Variants in LTBP1 observed in about 807,000 individuals in gnomAD.
LTBP1 encodes the protein latent-transforming growth factor beta-binding protein 1.
Under a neutral mutation model 207.6 loss-of-function variants are expected in LTBP1, and 129 were observed. That is an observed-to-expected ratio of 0.62 (90% CI 0.54 to 0.72). The LOEUF (loss-of-function observed/expected upper bound fraction) is 0.72. Ranked by LOEUF, LTBP1 falls within the 30% of genes least tolerant of loss-of-function variation. The probability of loss-of-function intolerance (pLI) is 0.00; values close to 1 mark genes in which losing one functional copy is unlikely to be tolerated. For synonymous variants in LTBP1, 963 were observed against 833.7 expected (o/e 1.16, Z -2.67); for missense variants, 2,281 against 2,217.2 (o/e 1.03, Z -0.58).
intron 18 of LTBP1, among the ~76,000 whole-genome samples, chr2:33,277,677 G>A (rs2093455264): frequency 6.6e-6 from 1 of 151,590 alleles, no homozygotes; most frequent in African/African-American, 2.4e-5. Context: ...TTAAAAAAAT[G>A]GGGTGTTTAT....
chr2:33,136,825 A>G (rs1402046098), intron 5 of LTBP1, among the ~76,000 whole-genome samples: 1 of 152,250 alleles, frequency 6.6e-6, no homozygotes, highest in African/African-American at 2.4e-5. Flanking sequence ...CAGAATATAC[A>G]TAGCCTACTC....
At chr2:33,248,410 T>A (rs932813725) in intron 10 of LTBP1, among the ~76,000 whole-genome samples, 1 of 152,268 alleles carries the variant, frequency 6.6e-6, no homozygotes, top group Non-Finnish European at 1.5e-5. Context: ...ACTGGATCTG[T>A]CTCACTCCAC....
chr2:33,394,187 GA>G (rs1281278897), intron 32 of LTBP1, among the ~76,000 whole-genome samples: 27 of 152,222 alleles, frequency 1.8e-4, no homozygotes, highest in Middle Eastern at 3.4e-3. Context: ...GTAGATTCTG[GA>G]TATTAGCCCT....
intron 3 of LTBP1, among the ~76,000 whole-genome samples, chr2:33,107,113 TA>T (rs2080107242): frequency 6.6e-6 from 1 of 152,184 alleles, no homozygotes; most frequent in African/African-American, 2.4e-5. Flanking sequence ...GAAATACATG[TA>T]GTGGCTTAAG....
chr2:33,189,706 A>T (rs957264276), intron 7 of LTBP1, among the ~76,000 whole-genome samples: 4 of 152,182 alleles, frequency 2.6e-5, no homozygotes, highest in African/African-American at 4.8e-5. Context: ...ACAGGAAGTA[A>T]TATTTCATGT....
At chr2:33,285,149 C>A (rs938208727) in intron 19 of LTBP1, among the ~76,000 whole-genome samples, 2 of 147,268 alleles carry the variant, frequency 1.4e-5, no homozygotes, top group Non-Finnish European at 3.0e-5. Context: ...TCAAGTGATT[C>A]TCCTGCGTCA....
chr2:33,278,282 G>A (rs2093487677), intron 18 of LTBP1, among the ~76,000 whole-genome samples: 1 of 152,156 alleles, frequency 6.6e-6, no homozygotes, highest in East Asian at 1.9e-4. Flanking sequence ...TTCAATATAT[G>A]AAAATTATTT....
chr2:33,153,080 G>A (rs1308512609), intron 5 of LTBP1, among the ~76,000 whole-genome samples: 1 of 152,204 alleles, frequency 6.6e-6, no homozygotes, highest in East Asian at 1.9e-4. Context: ...TAAATGAGAT[G>A]AGGCTCTCTT....
rs148456516 is a variant in LTBP1 at position 33,003,048 on chromosome 2, T to C, written c.566-17861T>C. Reference sequence around the variant, plus strand: ...TTACAATACGTAGAATAATAAAAGCTAGCAATGTTGGCAGGCTTCCTGAGT... The same window carrying C: ...TTACAATACGTAGAATAATAAAAGCCAGCAATGTTGGCAGGCTTCCTGAGT... On this transcript the variant is annotated intron_variant, in intron 2 of 33. Coordinates refer to ENST00000404816, the MANE Select transcript of LTBP1 (RefSeq NM_206943.4). Among the ~76,000 whole-genome samples, 11 of 152,294 alleles carry C rather than the reference T, an allele frequency of 7.2e-5. No individual in the cohort carries two copies. The East Asian group carries it at 2.1e-3, about 29-fold the overall frequency.
At chr2:33,021,863 C>A (rs545559943) in intron 3 of LTBP1, among the ~76,000 whole-genome samples, 86 of 152,248 alleles carry the variant, frequency 5.6e-4, no homozygotes, top group African/African-American at 2.0e-3. Flanking sequence ...AAAGATTACC[C>A]CGTTCTCTGA....
intron 2 of LTBP1, among the ~76,000 whole-genome samples, chr2:32,968,727 CTT>C (rs1431607859): frequency 2.0e-4 from 27 of 136,736 alleles, no homozygotes; most frequent in Admixed American, 5.8e-4. Flanking sequence ...TTTTTCCTGC[CTT>C]TTTTTTTTTT....
chr2:33,376,828 T>C (rs755073767), intron 31 of LTBP1, among the ~76,000 whole-genome samples: 8 of 151,784 alleles, frequency 5.3e-5, no homozygotes, highest in Non-Finnish European at 7.4e-5. Flanking sequence ...TTTACTAAAC[T>C]GGGGAAGAGG....
intron 26 of LTBP1, among the ~76,000 whole-genome samples, chr2:33,348,804 G>A (rs942085491): frequency 1.4e-4 from 22 of 152,214 alleles, no homozygotes; most frequent in Non-Finnish European, 7.3e-5. Flanking sequence ...CTCTGTAGAG[G>A]AAGGGAGAGT....
chr2:33,171,612 A>G (rs2085465962), intron 5 of LTBP1, among the ~76,000 whole-genome samples: 1 of 151,734 alleles, frequency 6.6e-6, no homozygotes, highest in African/African-American at 2.4e-5. Flanking sequence ...AACTTCCCCA[A>G]TCTAGCAAGG....
At chr2:33,220,793 G>A (rs2091052306) in intron 8 of LTBP1, among the ~76,000 whole-genome samples, 1 of 152,210 alleles carries the variant, frequency 6.6e-6, no homozygotes, top group Non-Finnish European at 1.5e-5. Flanking sequence ...ACTCCCACAC[G>A]CCCATATCTC....
In LTBP1 at chr2:33,372,386, A is replaced by G. The variant is rs182637799; in HGVS notation, c.4711+6883A>G. Among the ~76,000 whole-genome samples, 17 of 152,342 alleles carry G rather than the reference A, an allele frequency of 1.1e-4. No homozygotes were observed. The East Asian group carries it at 3.1e-3, about 28-fold the overall frequency. Reference sequence around the variant, plus strand: ...AAAACTGATTTTAGAGCTAACAATGAGCATAATAAGAGGCAATGTGTCATC... The same window carrying G: ...AAAACTGATTTTAGAGCTAACAATGGGCATAATAAGAGGCAATGTGTCATC... On this transcript the variant is annotated intron_variant, in intron 31 of 33. Transcript: ENST00000404816.
At chr2:33,178,449 G>C (rs911887800) in intron 5 of LTBP1, among the ~76,000 whole-genome samples, 2 of 152,186 alleles carry the variant, frequency 1.3e-5, no homozygotes, top group African/African-American at 4.8e-5. Context: ...TGGTGTGTGT[G>C]ATAGCGCTTC....
At chr2:33,378,183 A>ATGTG (rs1196073958) in intron 31 of LTBP1, among the ~76,000 whole-genome samples, 1,572 of 136,316 alleles carry the variant, frequency 0.012, 28 homozygotes, top group African/African-American at 0.041. Context: ...ATATATATAT[A>ATGTG]TATGTGTGTG....
intron 3 of LTBP1, among the ~76,000 whole-genome samples, chr2:33,076,541 C>CTT (rs1039003957): frequency 6.9e-6 from 1 of 145,148 alleles, no homozygotes; most frequent in African/African-American, 2.5e-5. Context: ...ATTTCCCATC[C>CTT]TTTTTTTTTT....
Sources: allele counts gnomAD v4.1 joint callset (sites outside exome capture counted in the v4.1 genomes callset), GRCh38; gene constraint gnomAD v4.1.1; transcripts MANE v1.5; gene names NCBI Gene and HGNC (gene_info 2026-07-23, HGNC 2026-07-21).